EDAR: variants seen among roughly 807,000 people sequenced by gnomAD.
EDAR encodes ectodysplasin A receptor.
In EDAR, 38 loss-of-function variants were observed where a neutral mutation model predicts 51.3. The ratio of observed to expected loss-of-function variants is 0.74; its 90% CI spans 0.57 to 0.97. EDAR has a LOEUF of 0.97. EDAR is among the 50% of genes least tolerant of loss of function. The probability of loss-of-function intolerance (pLI) is 0.00; values close to 1 mark genes in which losing one functional copy is unlikely to be tolerated. For synonymous variants in EDAR, 227 were observed against 242.1 expected (o/e 0.94, Z 0.58); for missense variants, 528 against 595.0 (o/e 0.89, Z 1.17).
In EDAR at chr2:108,906,318, T is replaced by G. The variant is rs1366828430; in HGVS notation, c.1014A>C (p.Gly338=). 3 of 1,613,950 alleles carry G rather than the reference T, an allele frequency of 1.9e-6. No homozygotes were observed. Among genetic ancestry groups the G allele is most frequent in the Non-Finnish European group, 2.5e-6 (3 of 1,180,012 alleles). ...TTTTTTTCAGCTTACCTTCCACGAC[T>G]CCACACACGTTGGCATACACATCGA... is the stretch of plus-strand genomic sequence containing the variant. ...KILDVYANVC[G]VVEGLSPTEL... Residue 338 remains glycine (G), a synonymous_variant, in exon 11 of 12, where the codon GGA becomes GGC. Coordinates refer to ENST00000258443, the MANE Select transcript of EDAR (RefSeq NM_022336.4).
At chr2:108,904,320 G>A (rs1434237074) in intron 11 of EDAR, among the ~76,000 whole-genome samples, 1 of 152,174 alleles carries the variant, frequency 6.6e-6, no homozygotes, top group Non-Finnish European at 1.5e-5. Context: ...CCAAATGCTG[G>A]CAAGCATATG....
intron 1 of EDAR, among the ~76,000 whole-genome samples, chr2:108,986,667 A>C (rs1698506474): frequency 6.6e-6 from 1 of 152,252 alleles, no homozygotes; most frequent in Non-Finnish European, 1.5e-5. Flanking sequence ...TAGAGAAGAC[A>C]TTCATGACAA....
chr2:108,942,556 C>G (rs891977474), intron 1 of EDAR, among the ~76,000 whole-genome samples: 1 of 152,254 alleles, frequency 6.6e-6, no homozygotes, highest in Non-Finnish European at 1.5e-5. Context: ...GTCTCCCTCC[C>G]GTTCTAGAAG....
chr2:108,904,918 A>G (rs1465670983), intron 11 of EDAR, among the ~76,000 whole-genome samples: 1 of 152,100 alleles, frequency 6.6e-6, no homozygotes, highest in Admixed American at 6.6e-5. Flanking sequence ...CCTGGTTGTG[A>G]CTTCTGTGTA....
At chr2:108,975,840 C>G (rs987803463) in intron 1 of EDAR, among the ~76,000 whole-genome samples, 1 of 152,082 alleles carries the variant, frequency 6.6e-6, no homozygotes, top group African/African-American at 2.4e-5. Flanking sequence ...TCAAGGCCAC[C>G]CCTCAACTGC....
intron 1 of EDAR, among the ~76,000 whole-genome samples, chr2:108,979,235 G>A (rs1229715868): frequency 2.6e-5 from 4 of 152,112 alleles, no homozygotes; most frequent in African/African-American, 9.7e-5. Flanking sequence ...GAGAATCTGC[G>A]TCTTAGAGCC....
rs961020824 is a variant in EDAR, at chr2:108,930,363, C to A, written c.52-121G>T. 3.9e-5 allele frequency: 43 copies of A among 1,112,618 alleles called. No individual in the cohort carries two copies. The Admixed American group carries it at 7.7e-4, about 20-fold the overall frequency. The allele number at this position is 1,112,618 out of a possible 1,614,324, so 68.9% of individuals were successfully genotyped here. ...TGCGGTGGGGGCTCTGCTGGGGGCTCGGTCTGGGAAGGTGCCCGCTTGTGA... is the reference window on the plus strand; with the variant it reads ...TGCGGTGGGGGCTCTGCTGGGGGCTAGGTCTGGGAAGGTGCCCGCTTGTGA... On this transcript the variant is annotated intron_variant, in intron 2 of 11. Transcript: ENST00000258443.
At chr2:108,961,848 C>T (rs902453626) in intron 1 of EDAR, among the ~76,000 whole-genome samples, 2 of 152,152 alleles carry the variant, frequency 1.3e-5, no homozygotes, top group Non-Finnish European at 2.9e-5. Context: ...ACTAATGGCC[C>T]CTGTGCTGGA....
chr2:108,944,068 T>C (rs901829896), intron 1 of EDAR, among the ~76,000 whole-genome samples: 1 of 152,202 alleles, frequency 6.6e-6, no homozygotes, highest in Non-Finnish European at 1.5e-5. Context: ...TCCAGCCACG[T>C]AGGAGCAAAC....
chr2:108,949,707 C>T (rs1032964666), intron 1 of EDAR, among the ~76,000 whole-genome samples: 2 of 152,184 alleles, frequency 1.3e-5, no homozygotes, highest in Admixed American at 1.3e-4. Context: ...GGCCACTGAA[C>T]CCCAGTCCTG....
chr2:108,907,933 G>A lies in EDAR; in HGVS notation c.890C>T (p.Ser297Phe), dbSNP rs761615482. 1 of 1,613,682 alleles carries A rather than the reference G, an allele frequency of 6.2e-7. No homozygotes were observed. The highest frequency in any genetic ancestry group is 1.1e-5 in the South Asian group (1 of 91,076). ...CAGCGACAGCAGGCACAGCTCCGGG[G>A]AGCCCTGCTTGTCAGGGGCGGGCTC... ...DEEPAPDKQG[S>F]PELCLLSLVH... Residue 297 changes from serine (S) to phenylalanine (F), a missense_variant, in exon 10 of 12, where the codon TCC becomes TTC. By Grantham distance (155) the Ser-to-Phe change is radical. Transcript: ENST00000258443.
Position 108,989,021 on chromosome 2 carries a change from G to GT in EDAR, c.-81dup, listed in dbSNP as rs745443177. The GT allele has an allele frequency of 2.0e-5, 3 of 152,340 alleles. No individual in the cohort carries two copies. Among genetic ancestry groups the GT allele is most frequent in the Non-Finnish European group, 4.4e-5 (3 of 68,070 alleles). 9.4% of individuals were successfully genotyped at this position (152,340 alleles called of 1,614,324 possible). A position where few individuals can be genotyped will look rare whatever the true frequency, so the allele number is the denominator to read the frequency against. On this transcript the variant is annotated 5_prime_UTR_variant, in exon 1 of 12. An upstream open reading frame in the 5' UTR gains an earlier in-frame stop. Transcript: ENST00000258443. ...AAGATGGGTCTATGAAGAAAGTCAG[G>GT]TACCATCCAGTTCTGGGTGACAGGC...
chr2:108,944,416 G>A (rs557072195), intron 1 of EDAR, among the ~76,000 whole-genome samples: 4 of 152,204 alleles, frequency 2.6e-5, no homozygotes, highest in Non-Finnish European at 5.9e-5. Context: ...GCCCGGCCCA[G>A]GAATGGTATA....
intron 1 of EDAR, among the ~76,000 whole-genome samples, chr2:108,950,238 T>TCCTC (rs1379703368): frequency 2.5e-4 from 22 of 88,768 alleles, no homozygotes; most frequent in Non-Finnish European, 4.5e-4. Context: ...CCTCCCTCCC[T>TCCTC]CCTCCCTCCC....
chr2:108,943,661 G>A (rs1306566955), intron 1 of EDAR, among the ~76,000 whole-genome samples: 1 of 152,162 alleles, frequency 6.6e-6, no homozygotes, highest in Non-Finnish European at 1.5e-5. Context: ...TATTTTCCGT[G>A]GCCTGGTGTG....
rs771832164 is a variant in EDAR at position 108,923,382 on chromosome 2, G to C, written c.428C>G (p.Pro143Arg). The stretch of plus-strand genomic sequence containing the variant: ...AAGACACTCACATTCCTTGGTGTTG[G>C]GGGGTGCCAGGAGGCAGGAGTAGCA... ...MVCYSCLLAP[P>R]NTKECVGATS... The change falls in exon 5 of 12, where the codon CCC becomes CGC. Residue 143 changes from proline (P) to arginine (R), a missense_variant. Physicochemically the swap from Pro to Arg is moderately radical, Grantham distance 103. Coordinates refer to ENST00000258443, the MANE Select transcript of EDAR (RefSeq NM_022336.4). 3.7e-6 allele frequency: 6 copies of C among 1,614,200 alleles called. No homozygotes were observed. The East Asian group carries it at 1.1e-4, about 30-fold the overall frequency.
chr2:108,944,878 C>T (rs969661841), intron 1 of EDAR, among the ~76,000 whole-genome samples: 1 of 152,180 alleles, frequency 6.6e-6, no homozygotes, highest in Non-Finnish European at 1.5e-5. Context: ...ACCTGCAGGT[C>T]CCAGAGGAAC....
chr2:108,974,524 G>A (rs548431058), intron 1 of EDAR, among the ~76,000 whole-genome samples: 1 of 151,630 alleles, frequency 6.6e-6, no homozygotes, highest in East Asian at 2.0e-4. Context: ...CAGGTCAGGA[G>A]TTGGAGACCA....
chr2:108,981,885 C>T (rs564506907), intron 1 of EDAR, among the ~76,000 whole-genome samples: 56 of 152,286 alleles, frequency 3.7e-4, no homozygotes, highest in East Asian at 2.1e-3. Context: ...CAGATTAAGA[C>T]GGAAACGCTA....
Sources: gnomAD v4.1 joint callset for allele counts (sites outside exome capture counted in the v4.1 genomes callset) on GRCh38, gnomAD v4.1.1 for gene constraint, MANE v1.5 for transcripts, NCBI Gene and HGNC (gene_info 2026-07-23, HGNC 2026-07-21) for gene names.